The following CD226 variants were observed in gnomAD, a reference collection of about 807,000 sequenced individuals.
CD226 encodes CD226 molecule.
CD226 carries 24 observed loss-of-function variants against 34.9 expected under a neutral mutation model. The ratio of observed to expected loss-of-function variants is 0.69; its 90% confidence interval spans 0.50 to 0.97. The LOEUF is 0.97. CD226 is among the 50% of genes least tolerant of loss of function. The pLI is 0.00. For synonymous variants in CD226, 148 were observed against 147.4 expected, an observed-to-expected ratio of 1.00 and a Z score of -0.03; for missense variants, 397 against 412.7, an observed-to-expected ratio of 0.96 and a Z score of 0.33.
intron 2 of CD226, among the ~76,000 whole-genome samples, chr18:69,902,730 A>G (rs1363043113): frequency 1.1e-4 from 16 of 151,938 alleles, no homozygotes; most frequent in Non-Finnish European, 1.9e-4. Flanking sequence ...GGGTTTCTAA[A>G]GCACGAGACG....
intron 2 of CD226, among the ~76,000 whole-genome samples, chr18:69,931,378 A>G (rs547223714): frequency 6.6e-6 from 1 of 152,118 alleles, no homozygotes; most frequent in African/African-American, 2.4e-5. Context: ...AACTTAAAGT[A>G]TAATAATAAT....
rs527421403 is a variant in CD226, at chr18:69,942,878, C to T, written c.382+3856G>A. 2.0e-5 allele frequency among the ~76,000 whole-genome samples: 3 copies of T among 152,310 alleles called. No individual in the cohort carries two copies. The East Asian group carries it at 5.8e-4, about 29-fold the overall frequency. On this transcript the variant is annotated intron_variant, in intron 2 of 5. Transcript: ENST00000582621. ...AAGCCATCAGTACCCCCAGGACACC[C>T]TTCCCTCTCTGTCTTCTCTCTTCCC...
At chr18:69,954,090 A>C (rs995263633) in intron 1 of CD226, among the ~76,000 whole-genome samples, 1 of 152,128 alleles carries the variant, frequency 6.6e-6, no homozygotes, top group African/African-American at 2.4e-5. Flanking sequence ...AAAAATTGTT[A>C]CTAGTGAATA....
chr18:69,927,373 C>CAG (rs1026925144), intron 2 of CD226, among the ~76,000 whole-genome samples: 3 of 151,264 alleles, frequency 2.0e-5, no homozygotes, highest in Non-Finnish European at 4.4e-5. Context: ...TACACACACA[C>CAG]ACACACACAC....
intron 2 of CD226, among the ~76,000 whole-genome samples, chr18:69,922,739 G>C (rs1010776058): frequency 1.3e-5 from 2 of 152,110 alleles, no homozygotes; most frequent in Non-Finnish European, 2.9e-5. Context: ...CGAACCCCTG[G>C]GAATGGGGCC....
rs543536429 is a variant in CD226, at chr18:69,862,625, C to A, written c.*1689G>T. The stretch of plus-strand genomic sequence containing the variant: ...CCTGAAAAGGGTTAAAAGAAACTCA[C>A]AAATTTTATAATTCACAGAAATGTG... On this transcript the variant is annotated 3_prime_UTR_variant, in exon 6 of 6. Transcript: ENST00000582621. 1.3e-5 allele frequency: 2 copies of A among 152,016 alleles called. No individual in the cohort carries two copies. The highest frequency in any genetic ancestry group is 4.8e-5 in the African/African-American group (2 of 41,424). 9.4% of individuals were successfully genotyped at this position (152,016 alleles called of 1,614,324 possible).
intron 3 of CD226, among the ~76,000 whole-genome samples, chr18:69,876,713 C>T (rs985622984): frequency 6.6e-6 from 1 of 152,070 alleles, no homozygotes; most frequent in Non-Finnish European, 1.5e-5. Flanking sequence ...GCTGAGTGTC[C>T]GCCAATTCAA....
chr18:69,899,411 C>T (rs1985479151), intron 2 of CD226, among the ~76,000 whole-genome samples: 1 of 152,238 alleles, frequency 6.6e-6, no homozygotes, highest in African/African-American at 2.4e-5. Flanking sequence ...GACCATTTTA[C>T]ACTGCTCTGT....
intron 1 of CD226, chr18:69,956,603 A>C (rs150420301): frequency 6.6e-6 from 1 of 152,362 alleles, no homozygotes. Context: ...AACACCGAGC[A>C]CTTAACTTAC....
At chr18:69,949,973 CAT>C (rs574781126), upstream of CD226, among the ~76,000 whole-genome samples, 561 of 152,208 alleles carry the variant, frequency 3.7e-3, 2 homozygotes, top group African/African-American at 0.012. Flanking sequence ...CTCACACTCA[CAT>C]ATGCACACAT....
chr18:69,914,326 C>T (rs2055360607), intron 2 of CD226, among the ~76,000 whole-genome samples: 1 of 152,200 alleles, frequency 6.6e-6, no homozygotes, highest in African/African-American at 2.4e-5. Context: ...CAAAGAGGAG[C>T]TTGGTTCAAG....
At chr18:69,869,444 G>A (rs1983365348) in intron 4 of CD226, among the ~76,000 whole-genome samples, 1 of 152,184 alleles carries the variant, frequency 6.6e-6, no homozygotes, top group South Asian at 2.1e-4. Flanking sequence ...ATAAGTGGGA[G>A]CTAAATGATG....
At chr18:69,879,902 G>A (rs1438868296) in intron 3 of CD226, among the ~76,000 whole-genome samples, 2 of 152,150 alleles carry the variant, frequency 1.3e-5, no homozygotes, top group Non-Finnish European at 2.9e-5. Flanking sequence ...CTCCAAAACG[G>A]AGCCACTGAA....
chr18:69,887,357 A>G (rs1984620651), intron 3 of CD226, among the ~76,000 whole-genome samples: 1 of 152,180 alleles, frequency 6.6e-6, no homozygotes, highest in African/African-American at 2.4e-5. Flanking sequence ...TAAAAGAGTG[A>G]ATAATCAATC....
Position 69,858,562 on chromosome 18 carries a change from T to C in CD226, c.*5752A>G, listed in dbSNP as rs908997171. On this transcript the variant is annotated 3_prime_UTR_variant, in exon 6 of 6. Coordinates refer to ENST00000582621, the MANE Select transcript of CD226 (RefSeq NM_001303618.2). ...TGCTCAGATTCACTGCCCTGTGTTC[T>C]AGGGAGGGTATCGAAGCCCAAATTG... 3 of 152,082 alleles carry C rather than the reference T, an allele frequency of 2.0e-5. No homozygotes were observed. Among genetic ancestry groups the C allele is most frequent in the Non-Finnish European group, 4.4e-5 (3 of 68,044 alleles). The allele number at this position is 152,082 out of a possible 1,614,324, so 9.4% of individuals were successfully genotyped here.
chr18:69,867,388 T>G lies in CD226; in HGVS notation c.854A>C (p.Asp285Ala). 6.3e-7 allele frequency: 1 copy of G among 1,587,120 alleles called. No homozygotes were observed. The highest frequency in any genetic ancestry group is 8.7e-7 in the Non-Finnish European group (1 of 1,155,664). The change falls in exon 5 of 6, where the codon GAT becomes GCT. Residue 285 changes from aspartate to alanine, a missense_variant. Coordinates refer to ENST00000582621, the MANE Select transcript of CD226 (RefSeq NM_001303618.2). The stretch of plus-strand genomic sequence containing the variant: ...TGTATCCCAGGACTCTGTAAATAGA[T>G]CTCTTCTCTCTCTCCTTCTCCTTCT... ...LNRRRRRERR[D>A]LFTESWDTQK...
In CD226 at chr18:69,875,668, A is replaced by G. The variant is rs145459426; in HGVS notation, c.728-2422T>C. 1.5e-4 allele frequency among the ~76,000 whole-genome samples: 23 copies of G among 152,248 alleles called. No individual in the cohort carries two copies. The East Asian group carries it at 4.2e-3, about 28-fold the overall frequency. The stretch of plus-strand genomic sequence containing the variant: ...ATGTTGAGCAGCTTTCCATATACCT[A>G]TTGGCCAGTGTTATGTCTTCTTTGG... On this transcript the variant is annotated intron_variant, in intron 3 of 5. Transcript: ENST00000582621.
In CD226 at chr18:69,946,880, A is replaced by G. The variant is rs777118447; in HGVS notation, c.236T>C (p.Val79Ala). ...MVIRKPYAER[V>A]YFLNSTMASN... is the part of the protein sequence containing the mutation. ...AGCCATCGTTGAATTCAAAAAGTAA[A>G]CCCTCTCAGCATAGGGCTTCCTTAT... is the stretch of plus-strand genomic sequence containing the variant. Residue 79 changes from valine to alanine, a missense_variant, in exon 2 of 6, where the codon GTT becomes GCT. Transcript: ENST00000582621. The G allele has an allele frequency of 2.5e-6, 4 of 1,613,932 alleles. No individual in the cohort carries two copies. The South Asian group carries it at 3.3e-5, about 13-fold the overall frequency.
rs1982606133 is a variant in CD226, at chr18:69,856,233, A to G, written c.*8081T>C. 6.6e-6 allele frequency: 1 copy of G among 152,208 alleles called. No homozygotes were observed. Among genetic ancestry groups the G allele is most frequent in the African/African-American group, 2.4e-5 (1 of 41,466 alleles). 9.4% of individuals were successfully genotyped at this position (152,208 alleles called of 1,614,324 possible). A position where few individuals can be genotyped will look rare whatever the true frequency, so the allele number is the denominator to read the frequency against. On this transcript the variant is annotated 3_prime_UTR_variant, in exon 6 of 6. Transcript: ENST00000582621. ...GACATTACATGTGGTAAAGGGGTCA[A>G]TTCTCCAAGAAAACCTAACGATTCT...
Sources: allele counts gnomAD v4.1 joint callset (sites outside exome capture counted in the v4.1 genomes callset), GRCh38; gene constraint gnomAD v4.1.1; transcripts MANE v1.5; gene names NCBI Gene and HGNC (gene_info 2026-07-23, HGNC 2026-07-21).